Variants in STS observed in about 807,000 individuals in gnomAD.
STS encodes steroid sulfatase.
Under a neutral mutation model 26.8 loss-of-function variants are expected in STS, and 7 were observed. The ratio of observed to expected loss-of-function variants is 0.26; its 90% CI spans 0.15 to 0.49. STS has a LOEUF of 0.49. STS is among the 20% of genes least tolerant of loss of function. The pLI is 0.98. For missense variants in STS, 434 were observed against 465.6 expected, an observed-to-expected ratio of 0.93 and a Z score of 0.63; for synonymous variants, 199 against 189.4, an observed-to-expected ratio of 1.05 and a Z score of -0.42.
intron 1 of STS, among the ~76,000 whole-genome samples, chrX:7,163,277 C>T (rs1467161440): frequency 2.7e-5 from 3 of 111,998 alleles, no homozygotes; most frequent in African/African-American, 9.8e-5. Flanking sequence ...CCAGATATCA[C>T]CAGATGTTTC....
In STS at chrX:7,353,613, T is replaced by C. The variant is rs535980032; in HGVS notation, c.*3352T>C. ...GAAAAGTATTATTCTCTCTTCTCTT[T>C]GTTTCAACTGGATTCCTTTGGAAAA... is the stretch of plus-strand genomic sequence containing the variant. On this transcript the variant is annotated 3_prime_UTR_variant, in exon 11 of 11. Transcript: ENST00000674429. 33 of 111,315 alleles carry C rather than the reference T, an allele frequency of 3.0e-4. No homozygotes were observed. Among genetic ancestry groups the C allele is most frequent in the African/African-American group, 1.1e-3 (33 of 30,666 alleles). 9.2% of individuals were successfully genotyped at this position (111,315 alleles called of 1,213,427 possible). A position where few individuals can be genotyped will look rare whatever the true frequency, so the allele number is the denominator to read the frequency against.
chrX:7,183,311 G>A lies in STS; in HGVS notation c.-133-7569G>A, dbSNP rs1933715997. ...AATAAATCCAGCAAATGTTTAGTAA[G>A]ACCTCCCTCTGTCTGCTGCTGGACA... is the stretch of plus-strand genomic sequence containing the variant. On this transcript the variant is annotated intron_variant, in intron 1 of 10. Coordinates refer to ENST00000674429, the MANE Select transcript of STS (RefSeq NM_001320752.2). Among the ~76,000 whole-genome samples the A allele has an allele frequency of 3.6e-5, 4 of 111,771 alleles. 1 individual carries two copies. The South Asian group carries it at 1.5e-3, about 42-fold the overall frequency.
At chrX:7,183,343 C>T (rs1235154951) in intron 1 of STS, among the ~76,000 whole-genome samples, 2 of 111,481 alleles carry the variant, frequency 1.8e-5, no homozygotes, top group African/African-American at 6.5e-5. Flanking sequence ...GACACAACCT[C>T]GTGGACAATG....
intron 2 of STS, among the ~76,000 whole-genome samples, chrX:7,212,713 G>A (rs1037407516): frequency 3.6e-5 from 4 of 111,425 alleles, no homozygotes; most frequent in Admixed American, 1.9e-4. Context: ...TTCCTTTCAA[G>A]GTAATTGATG....
At chrX:7,169,336 T>A (rs1186483610) in intron 1 of STS, among the ~76,000 whole-genome samples, 1 of 112,501 alleles carries the variant, frequency 8.9e-6, no homozygotes, top group African/African-American at 3.2e-5. Context: ...CTCTCTTCTT[T>A]TACTGAGCAT....
At chrX:7,205,838 G>T (rs1218471154) in intron 2 of STS, among the ~76,000 whole-genome samples, 1 of 108,600 alleles carries the variant, frequency 9.2e-6, no homozygotes, top group Non-Finnish European at 1.9e-5. Context: ...CTGGTCTGGA[G>T]CTCCCAGGCT....
intron 2 of STS, among the ~76,000 whole-genome samples, chrX:7,204,258 T>C (rs1700502986): frequency 8.9e-6 from 1 of 112,059 alleles, no homozygotes; most frequent in South Asian, 3.7e-4. Context: ...CTTAATTTTC[T>C]AACCCAAGTG....
At chrX:7,155,264 T>C (rs1187774305) in intron 1 of STS, among the ~76,000 whole-genome samples, 2 of 112,176 alleles carry the variant, frequency 1.8e-5, no homozygotes, top group African/African-American at 6.5e-5. Context: ...AAACACACTT[T>C]AGAAATACCA....
chrX:7,304,216 A>T (rs1926108229), intron 7 of STS, among the ~76,000 whole-genome samples: 1 of 111,971 alleles, frequency 8.9e-6, no homozygotes, highest in Non-Finnish European at 1.9e-5. Context: ...CTTTTACAGC[A>T]TTGTTGCTCT....
chrX:7,148,114 G>A (rs759549691), intron 1 of STS, 31 bp downstream of exon 1: 99 of 1,124,913 alleles, frequency 8.8e-5, no homozygotes, highest in Non-Finnish European at 1.1e-4. Context: ...GCGCCGCCAT[G>A]GTGGCGCCTT....
intron 6 of STS, among the ~76,000 whole-genome samples, chrX:7,272,415 ATC>A (rs1306101093): frequency 1.8e-5 from 2 of 110,517 alleles, no homozygotes; most frequent in Admixed American, 9.6e-5. Flanking sequence ...CTGCAGAGGA[ATC>A]TCTGCTCTAG....
intron 1 of STS, among the ~76,000 whole-genome samples, chrX:7,161,232 G>T (rs747973775): frequency 1.5e-4 from 17 of 110,862 alleles, no homozygotes; most frequent in African/African-American, 5.6e-4. Flanking sequence ...CTCCCAAAGT[G>T]TTGGGATTAC....
intron 7 of STS, among the ~76,000 whole-genome samples, chrX:7,286,060 T>C (rs1053330101): frequency 8.9e-6 from 1 of 112,411 alleles, no homozygotes; most frequent in Non-Finnish European, 1.9e-5. Context: ...GGCTTTATTT[T>C]CACACTGATG....
rs549928063 is a variant in STS, at chrX:7,347,338, A to G, written c.1364-2550A>G. ...AGAGAAACAGCACAGAGACTAAGCA[A>G]TCTACCTTTTTATGAAAAGTTTTTA... On this transcript the variant is annotated intron_variant, in intron 10 of 10. Transcript: ENST00000674429. 3.3e-4 allele frequency among the ~76,000 whole-genome samples: 37 copies of G among 112,233 alleles called. 3 individuals are homozygous for G. The South Asian group carries it at 0.012, about 37-fold the overall frequency.
At chrX:7,199,396 A>C (rs1270912036) in intron 2 of STS, among the ~76,000 whole-genome samples, 1 of 112,185 alleles carries the variant, frequency 8.9e-6, no homozygotes, top group African/African-American at 3.2e-5. Flanking sequence ...CCTACTTTCT[A>C]TCTCTATTTT....
rs568910667 is a variant in STS at position 7,281,111 on chromosome X, A to T, written c.943+5024A>T. Reference sequence around the variant, plus strand: ...AACCCGGGAGGCGGAGATTGGCATGAGCCAAGATTGCGCCCCTGCACTCCA... The same window carrying T: ...AACCCGGGAGGCGGAGATTGGCATGTGCCAAGATTGCGCCCCTGCACTCCA... On this transcript the variant is annotated intron_variant, in intron 7 of 10. Transcript: ENST00000674429. Among the ~76,000 whole-genome samples, 14 of 108,484 alleles carry T rather than the reference A, an allele frequency of 1.3e-4. No homozygotes were observed. The South Asian group carries it at 5.8e-3, about 45-fold the overall frequency. 94.2% of individuals were successfully genotyped at this position (108,484 alleles called of 115,157 possible).
chrX:7,297,092 A>G (rs1432023403), intron 7 of STS, among the ~76,000 whole-genome samples: 2 of 111,946 alleles, frequency 1.8e-5, no homozygotes, highest in Non-Finnish European at 3.8e-5. Flanking sequence ...TTATGTGTCA[A>G]ATTGTCTGAA....
At chrX:7,150,770 T>C (rs1339235571) in intron 1 of STS, among the ~76,000 whole-genome samples, 3 of 111,016 alleles carry the variant, frequency 2.7e-5, no homozygotes, top group African/African-American at 6.6e-5. Context: ...GAATGGTGAA[T>C]GCTTCTCTGT....
chrX:7,329,736 C>G (rs978046447), intron 9 of STS, among the ~76,000 whole-genome samples: 5 of 111,807 alleles, frequency 4.5e-5, no homozygotes, highest in Non-Finnish European at 7.5e-5. Flanking sequence ...TTCAGCAGAC[C>G]TCCATTCTTC....
Sources: gnomAD v4.1 joint callset for allele counts (sites outside exome capture counted in the v4.1 genomes callset) on GRCh38, gnomAD v4.1.1 for gene constraint, MANE v1.5 for transcripts, NCBI Gene and HGNC (gene_info 2026-07-23, HGNC 2026-07-21) for gene names.